Variants in ZNF630 observed in about 807,000 individuals in gnomAD.
The protein encoded by ZNF630 is zinc finger protein 630.
A neutral mutation model predicts 7.2 loss-of-function variants in ZNF630; 5 were observed. The observed-to-expected ratio is 0.70, with a 90% CI of 0.36 to 1.46. ZNF630 has a LOEUF of 1.46. ZNF630 is among the 40% of genes most tolerant of loss of function. The pLI is 0.03. For missense variants in ZNF630, 461 were observed against 477.0 expected, an observed-to-expected ratio of 0.97 and a Z score of 0.31; for synonymous variants, 158 against 162.8, an observed-to-expected ratio of 0.97 and a Z score of 0.23.
chrX:48,059,407 T>A lies in ZNF630; in HGVS notation c.1035A>T (p.Lys345Asn), dbSNP rs1556908607. The stretch of plus-strand genomic sequence containing the variant: ...TTGGACACTCAAAACACTCATAGGG[T>A]TTCTCTCCAGTATGGACTCTCTGAT... Reference protein sequence around the residue: ...TVHQRVHTGEKPYECFECPKA... With the variant: ...TVHQRVHTGENPYECFECPKA... The change falls in exon 5 of 5, where the codon AAA becomes AAT. Residue 345 changes from lysine to asparagine, a missense_variant. By Grantham distance (94) the Lys-to-Asn change is moderately conservative (BLOSUM62 0). Transcript: ENST00000276054. 4 of 1,207,693 alleles carry A rather than the reference T, an allele frequency of 3.3e-6. No homozygotes were observed. In the Admixed American group the frequency reaches 8.7e-5, roughly 26 times the overall value.
Position 48,058,366 on chromosome X carries a change from T to C in ZNF630, c.*102A>G. The C allele has an allele frequency of 1.2e-6, 1 of 807,823 alleles. No homozygotes were observed. Among genetic ancestry groups the C allele is most frequent in the Non-Finnish European group, 1.7e-6 (1 of 581,338 alleles). The allele number at this position is 807,823 out of a possible 1,213,427, so 66.6% of individuals were successfully genotyped here. ...GGGTAATCATGTATACTGAGGAACA[T>C]ATTAGTCTATTCTACAGTTGAGAAG... On this transcript the variant is annotated 3_prime_UTR_variant, in exon 5 of 5. Coordinates refer to ENST00000276054, the MANE Select transcript of ZNF630 (RefSeq NM_001282201.2).
At chrX:48,068,292 GAAGGAAGA>G (rs1377670428) in intron 1 of ZNF630, among the ~76,000 whole-genome samples, 5 of 105,869 alleles carry the variant, frequency 4.7e-5, no homozygotes, top group African/African-American at 1.9e-4. Context: ...AGGAAGGAAG[GAAGGAAGA>G]AAGGGAGGAA....
intron 1 of ZNF630, 80 bp from the exon 2 acceptor site, chrX:48,067,141 T>A: frequency 2.8e-6 from 1 of 360,275 alleles, no homozygotes; most frequent in Non-Finnish European, 4.9e-6. Flanking sequence ...CACCATATTA[T>A]TGAAAATAAC....
chrX:48,066,978 G>T lies in ZNF630; in HGVS notation c.-92C>A. 20 of 960,881 alleles carry T rather than the reference G, an allele frequency of 2.1e-5. No homozygotes were observed. The highest frequency in any genetic ancestry group is 2.9e-5 in the Non-Finnish European group (20 of 681,315). The allele number at this position is 960,881 out of a possible 1,213,427, so 79.2% of individuals were successfully genotyped here. On this transcript the variant is annotated 5_prime_UTR_variant, in exon 2 of 5. Coordinates refer to ENST00000276054, the MANE Select transcript of ZNF630 (RefSeq NM_001282201.2). The stretch of plus-strand genomic sequence containing the variant: ...CTGAGTTAACCACTCTTCAACAGCT[G>T]GATGTGACAATGTGTTGCTTGTTAA...
chrX:48,068,296 GAAGA>G (rs1352663581), intron 1 of ZNF630, among the ~76,000 whole-genome samples: 19 of 96,733 alleles, frequency 2.0e-4, no homozygotes, highest in Admixed American at 1.2e-3. Flanking sequence ...AGGAAGGAAG[GAAGA>G]AAGGGAGGAA....
chrX:48,070,635 T>A (rs1411924835), intron 1 of ZNF630, among the ~76,000 whole-genome samples: 7 of 79,232 alleles, frequency 8.8e-5, no homozygotes, highest in Admixed American at 1.4e-4. Context: ...AAAAAAAAAA[T>A]TCCTACAAAT....
intron 1 of ZNF630, among the ~76,000 whole-genome samples, chrX:48,068,195 G>GA (rs1378661171): frequency 4.7e-5 from 3 of 63,886 alleles, no homozygotes; most frequent in Non-Finnish European, 8.8e-5. Context: ...AGGAAGGAAG[G>GA]AAGGAAAGAA....
At position 48,068,076 on chromosome X, in the gene ZNF630, A is replaced by AAAGGCAGGAAGG. The variant is rs1219294789; in HGVS notation, c.-175-1027_-175-1016dup. Among the ~76,000 whole-genome samples the AAAGGCAGGAAGG allele has an allele frequency of 3.1e-4, 32 of 104,873 alleles. No individual in the cohort carries two copies. The East Asian group carries it at 9.3e-3, about 31-fold the overall frequency. The allele number at this position is 104,873 out of a possible 115,157, so 91.1% of individuals were successfully genotyped here. On this transcript the variant is annotated intron_variant, in intron 1 of 4. Coordinates refer to ENST00000276054, the MANE Select transcript of ZNF630 (RefSeq NM_001282201.2). Reference sequence around the variant, plus strand: ...TGAGGAAAGAGGAAAGAAAGGCAAGAAAGGCAGGAAGGAAGGCAGGAGGGA... The same window carrying AAAGGCAGGAAGG: ...TGAGGAAAGAGGAAAGAAAGGCAAGAAAGGCAGGAAGGAAGGCAGGAAGGAAGGCAGGAGGGA...
intron 2 of ZNF630, among the ~76,000 whole-genome samples, chrX:48,064,045 C>T (rs1556909655): frequency 9.0e-6 from 1 of 111,139 alleles, no homozygotes; most frequent in African/African-American, 3.3e-5. Context: ...TGTGACTTCA[C>T]TGCTTGAGAG....
At chrX:48,064,329 A>T (rs1473444087) in intron 2 of ZNF630, among the ~76,000 whole-genome samples, 1 of 111,973 alleles carries the variant, frequency 8.9e-6, no homozygotes, top group Non-Finnish European at 1.9e-5. Flanking sequence ...TCCTGCAAAC[A>T]TTAAATGGAC....
Position 48,058,476 on chromosome X carries a change from T to TTTTTA in ZNF630, c.1965_1966insTAAAA (p.Ile656Ter). 1 of 1,165,539 alleles carries TTTTTA rather than the reference T, an allele frequency of 8.6e-7. No individual in the cohort carries two copies. Among genetic ancestry groups the TTTTTA allele is most frequent in the South Asian group, 2.0e-5 (1 of 48,798 alleles). Reference sequence around the variant, plus strand: ...AATAGGCCTTCCCACAATCAGCATATATACAAGGTGTCTTTCCTATATGGA... The same window carrying TTTTTA: ...AATAGGCCTTCCCACAATCAGCATATTTTTAATACAAGGTGTCTTTCCTATATGGA... On this transcript the variant is annotated stop_gained and frameshift_variant, in exon 5 of 5. Transcript: ENST00000276054. LOFTEE classifies it high-confidence loss of function.
At position 48,059,398 on chromosome X, in the gene ZNF630, C is replaced by T. The variant is rs781846850; in HGVS notation, c.1044G>A (p.Glu348=). 9 of 1,206,099 alleles carry T rather than the reference C, an allele frequency of 7.5e-6. No individual in the cohort carries two copies. Among genetic ancestry groups the T allele is most frequent in the Non-Finnish European group, 1.0e-5 (9 of 892,892 alleles). ...AGAAAGCTTTTGGACACTCAAAACACTCATAGGGTTTCTCTCCAGTATGGA... is the reference window on the plus strand; with the variant it reads ...AGAAAGCTTTTGGACACTCAAAACATTCATAGGGTTTCTCTCCAGTATGGA... ...QRVHTGEKPY[E]CFECPKAFSQ... The change falls in exon 5 of 5, where the codon GAG becomes GAA. Residue 348 remains glutamate, a synonymous_variant. Transcript: ENST00000276054.
At chrX:48,069,148 G>A (rs1394678391) in intron 1 of ZNF630, among the ~76,000 whole-genome samples, 1 of 109,382 alleles carries the variant, frequency 9.1e-6, no homozygotes, top group Non-Finnish European at 1.9e-5. Context: ...GGCTGAGGCA[G>A]GAGAGTCACT....
chrX:48,067,181 A>G (rs782643157), intron 1 of ZNF630, 120 bp from the exon 2 acceptor site: 53 of 289,563 alleles, frequency 1.8e-4, no homozygotes, highest in Non-Finnish European at 2.5e-4. Flanking sequence ...GACTGCTGCA[A>G]AGGCAGGCAG....
rs782146969 is a variant in ZNF630, at chrX:48,059,949, A to G, written c.493T>C (p.Cys165Arg). Residue 165 changes from cysteine (C) to arginine (R), a missense_variant, in exon 5 of 5, where the codon TGC (cysteine) becomes CGC (arginine). Physicochemically the swap from Cys to Arg is radical, Grantham distance 180. Transcript: ENST00000276054. Reference protein sequence around the residue: ...YSAFGKMFNRCTDLAPLSQKF... With the variant: ...YSAFGKMFNRRTDLAPLSQKF... The stretch of plus-strand genomic sequence containing the variant: ...TGACTTAAAGGAGCAAGGTCTGTGC[A>G]CCGATTGAACATTTTCCCAAATGCA... 8.3e-7 allele frequency: 1 copy of G among 1,208,278 alleles called. No individual in the cohort carries two copies. The highest frequency in any genetic ancestry group is 1.1e-6 in the Non-Finnish European group (1 of 893,236).
At position 48,058,632 on chromosome X, in the gene ZNF630, A is replaced by G. The variant is rs781935702; in HGVS notation, c.1810T>C (p.Ser604Pro). 4.1e-6 allele frequency: 5 copies of G among 1,205,965 alleles called. No homozygotes were observed. The African/African-American group carries it at 5.3e-5, about 13-fold the overall frequency. ...GATTTCCAGAAAAAAGTCATTCCAG[A>G]CTCAGCACATTCAGGGGTTTTCTCC... ...PREKTPECAE[S>P]GMTFFWKSQM... Residue 604 changes from serine (S) to proline (P), a missense_variant, in exon 5 of 5, where the codon TCT (serine) becomes CCT (proline). Transcript: ENST00000276054.
chrX:48,068,181 A>C (rs2059140592), intron 1 of ZNF630, among the ~76,000 whole-genome samples: 1 of 91,278 alleles, frequency 1.1e-5, no homozygotes, highest in Non-Finnish European at 2.1e-5. Context: ...GAAGGAAGGA[A>C]GGAAGGAAGG....
intron 1 of ZNF630, among the ~76,000 whole-genome samples, chrX:48,069,664 A>C (rs969233070): frequency 4.5e-5 from 5 of 110,453 alleles, no homozygotes; most frequent in African/African-American, 1.7e-4. Flanking sequence ...ATGCCTAGAG[A>C]GGTTTCATGA....
chrX:48,068,230 GAA>G, intron 1 of ZNF630, among the ~76,000 whole-genome samples: 1 of 30,022 alleles, frequency 3.3e-5, no homozygotes, highest in African/African-American at 8.2e-5. Flanking sequence ...AAAAAGAAAA[GAA>G]AAGAAAAGAA....
Sources: gnomAD v4.1 joint callset for allele counts (sites outside exome capture counted in the v4.1 genomes callset) on GRCh38, gnomAD v4.1.1 for gene constraint, MANE v1.5 for transcripts, NCBI Gene and HGNC (gene_info 2026-07-23, HGNC 2026-07-21) for gene names.